The following TLX2 variants were observed in gnomAD, a reference collection of about 807,000 sequenced individuals.
TLX2 encodes the protein T cell leukemia homeobox 2, also known as T-cell leukemia homeobox protein 2.
Under a neutral mutation model 21.7 loss-of-function variants are expected in TLX2, and 15 were observed. That is an observed-to-expected ratio of 0.69 (90% CI 0.46 to 1.07). The LOEUF is 1.07. TLX2 is among the 50% of genes least tolerant of loss of function. TLX2 has a pLI of 0.00. For synonymous variants in TLX2, 213 were observed against 193.1 expected, an observed-to-expected ratio of 1.10 and a Z score of -0.85; for missense variants, 384 against 409.1, an observed-to-expected ratio of 0.94 and a Z score of 0.53.
At position 74,516,372 on chromosome 2, in the gene TLX2, A is replaced by G. The variant is rs1674886867; in HGVS notation, c.*183A>G. ...CGTTGCGCAGATGCACGGCCAGCTC[A>G]GAGGCGGCCTTTCCCGCCATTTTTC... On this transcript the variant is annotated 3_prime_UTR_variant, in exon 3 of 3. Coordinates refer to ENST00000233638, the MANE Select transcript of TLX2 (RefSeq NM_016170.5). The G allele has an allele frequency of 6.7e-7, 1 of 1,484,850 alleles. No individual in the cohort carries two copies. Among genetic ancestry groups the G allele is most frequent in the Non-Finnish European group, 8.9e-7 (1 of 1,123,404 alleles). The allele number at this position is 1,484,850 out of a possible 1,614,324, so 92.0% of individuals were successfully genotyped here.
In TLX2 at chr2:74,515,292, C is replaced by T; in HGVS notation, c.400+86C>T. On this transcript the variant is annotated intron_variant, in intron 1 of 2. Transcript: ENST00000233638. This position sits in a 1 kb window ranked among gnomAD's most constrained non-coding sequence, Gnocchi z 6.6. The stretch of plus-strand genomic sequence containing the variant: ...AGCTTTCTGCTCCAACTCAAGGACC[C>T]CTTTCACACCTCCCACTAGATCCTC... The T allele has an allele frequency of 6.5e-7, 1 of 1,531,968 alleles. No homozygotes were observed. Among genetic ancestry groups the T allele is most frequent in the Non-Finnish European group, 8.7e-7 (1 of 1,145,168 alleles). 94.9% of individuals were successfully genotyped at this position (1,531,968 alleles called of 1,614,324 possible).
At position 74,515,055 on chromosome 2, in the gene TLX2, C is replaced by A. The variant is rs115897631; in HGVS notation, c.249C>A (p.Val83=). Reference sequence around the variant, plus strand: ...TGGGCCCAGGCGGCGTGATCCGCGTCCCTGCGCACCGCCCGCTGCCTGTGC... The same window carrying A: ...TGGGCCCAGGCGGCGTGATCCGCGTACCTGCGCACCGCCCGCTGCCTGTGC... ...SGVGPGGVIR[V]PAHRPLPVPP... Residue 83 remains valine, a synonymous_variant, in exon 1 of 3, where the codon GTC becomes GTA. Coordinates refer to ENST00000233638, the MANE Select transcript of TLX2 (RefSeq NM_016170.5). The surrounding 1 kb of genome is among the most constrained non-coding windows in gnomAD (Gnocchi z 6.6). 14 of 1,520,716 alleles carry A rather than the reference C, an allele frequency of 9.2e-6. No individual in the cohort carries two copies. In the East Asian group the frequency reaches 3.7e-4, roughly 40 times the overall value. 94.2% of individuals were successfully genotyped at this position (1,520,716 alleles called of 1,614,324 possible).
rs1165833694 is a variant in TLX2, at chr2:74,516,559, C to T, written c.*370C>T. ...CGGCGGGTGGTCGGGAGCTGGGGCT[C>T]TGAGGGGCTCTAGCGGCGTTGCGCG... On this transcript the variant is annotated 3_prime_UTR_variant, in exon 3 of 3. Transcript: ENST00000233638. 19 of 1,170,748 alleles carry T rather than the reference C, an allele frequency of 1.6e-5. No homozygotes were observed. The highest frequency in any genetic ancestry group is 1.9e-5 in the Non-Finnish European group (18 of 935,144). 72.5% of individuals were successfully genotyped at this position (1,170,748 alleles called of 1,614,324 possible). A position where few individuals can be genotyped will look rare whatever the true frequency, so the allele number is the denominator to read the frequency against.
Position 74,514,488 on chromosome 2 carries a change from C to T in TLX2, c.-319C>T, listed in dbSNP as rs752172448. The T allele has an allele frequency of 1.1e-4, 144 of 1,274,834 alleles. No homozygotes were observed. Among genetic ancestry groups the T allele is most frequent in the Non-Finnish European group, 1.4e-4 (139 of 1,003,858 alleles). The allele number at this position is 1,274,834 out of a possible 1,614,324, so 79.0% of individuals were successfully genotyped here. On this transcript the variant is annotated 5_prime_UTR_variant, in exon 1 of 3. Coordinates refer to ENST00000233638, the MANE Select transcript of TLX2 (RefSeq NM_016170.5). The surrounding 1 kb of genome is among the most constrained non-coding windows in gnomAD (Gnocchi z 5.0). ...GCCGGAGCTGGCCAACCCTCTCCAC[C>T]CGGGACTTGGGCAGCGGCGCCGGCA...
In TLX2 at chr2:74,515,763, G is replaced by T; in HGVS notation, c.531G>T (p.Leu177=). ...SQVLELERRF[L]RQKYLASAER... Reference sequence around the variant, plus strand: ...TGCTGGAGTTGGAGCGGCGCTTCCTGCGCCAGAAGTACCTGGCCTCTGCGG... The same window carrying T: ...TGCTGGAGTTGGAGCGGCGCTTCCTTCGCCAGAAGTACCTGGCCTCTGCGG... The change falls in exon 2 of 3, where the codon CTG becomes CTT. Residue 177 remains leucine (L), a synonymous_variant. Coordinates refer to ENST00000233638, the MANE Select transcript of TLX2 (RefSeq NM_016170.5). This position sits in a 1 kb window ranked among gnomAD's most constrained non-coding sequence, Gnocchi z 6.6. 6.2e-7 allele frequency: 1 copy of T among 1,613,398 alleles called. No individual in the cohort carries two copies. Among genetic ancestry groups the T allele is most frequent in the Non-Finnish European group, 8.5e-7 (1 of 1,179,948 alleles).
In TLX2 at chr2:74,516,117, G is replaced by T; in HGVS notation, c.783G>T (p.Ala261=). Residue 261 remains alanine (A), a synonymous_variant, in exon 3 of 3, where the codon GCG becomes GCT. Transcript: ENST00000233638. The stretch of plus-strand genomic sequence containing the variant: ...GCCTGCACAACTCGTCGCTCTTCGC[G>T]CTGCAGAACCTGCAGCCCTGGGCCG... ...PLCLHNSSLF[A]LQNLQPWAED... is the part of the protein sequence containing the mutation. 6.2e-7 allele frequency: 1 copy of T among 1,610,118 alleles called. No individual in the cohort carries two copies.
Position 74,514,713 on chromosome 2 carries a change from A to T in TLX2, c.-94A>T. On this transcript the variant is annotated 5_prime_UTR_variant, in exon 1 of 3. Transcript: ENST00000233638. The surrounding 1 kb of genome is among the most constrained non-coding windows in gnomAD (Gnocchi z 5.0). Reference sequence around the variant, plus strand: ...GCCAGCCCCGCGGGCCCCTGAGGCCACTCTCCGGAGCGCGCCGCCGCTGGG... The same window carrying T: ...GCCAGCCCCGCGGGCCCCTGAGGCCTCTCTCCGGAGCGCGCCGCCGCTGGG... 1 of 1,571,500 alleles carries T rather than the reference A, an allele frequency of 6.4e-7. No individual in the cohort carries two copies. Among genetic ancestry groups the T allele is most frequent in the Non-Finnish European group, 8.6e-7 (1 of 1,159,852 alleles).
Position 74,515,930 on chromosome 2 carries a change from G to C in TLX2, c.639-43G>C. On this transcript the variant is annotated intron_variant, in intron 2 of 2. Transcript: ENST00000233638. This position sits in a 1 kb window ranked among gnomAD's most constrained non-coding sequence, Gnocchi z 6.6. ...TCCCGAGCAGGGCCTGGTGAGAAGCGACGCGGCGGGCGCCCCGCTGACCCC... is the reference window on the plus strand; with the variant it reads ...TCCCGAGCAGGGCCTGGTGAGAAGCCACGCGGCGGGCGCCCCGCTGACCCC... 1 of 1,506,264 alleles carries C rather than the reference G, an allele frequency of 6.6e-7. No homozygotes were observed. Among genetic ancestry groups the C allele is most frequent in the Non-Finnish European group, 8.8e-7 (1 of 1,134,770 alleles). The allele number at this position is 1,506,264 out of a possible 1,614,324, so 93.3% of individuals were successfully genotyped here. A position where few individuals can be genotyped will look rare whatever the true frequency, so the allele number is the denominator to read the frequency against.
In TLX2 at chr2:74,516,105, G is replaced by A. The variant is rs1351378039; in HGVS notation, c.771G>A (p.Ser257=). ...LPPDPLCLHN[S]SLFALQNLQP... is the part of the protein sequence containing the mutation. ...CGGACCCTCTCTGCCTGCACAACTC[G>A]TCGCTCTTCGCGCTGCAGAACCTGC... Residue 257 remains serine (S), a synonymous_variant, in exon 3 of 3, where the codon TCG becomes TCA. Coordinates refer to ENST00000233638, the MANE Select transcript of TLX2 (RefSeq NM_016170.5). The A allele has an allele frequency of 1.2e-6, 2 of 1,609,566 alleles. No individual in the cohort carries two copies. The highest frequency in any genetic ancestry group is 1.7e-5 in the Admixed American group (1 of 59,890).
At position 74,515,217 on chromosome 2, in the gene TLX2, C is replaced by G. The variant is rs1481771750; in HGVS notation, c.400+11C>G. ...AGGACCGGCTCACGGGTGAGGTTGT[C>G]TGACCCCTCCAGCGTCACGCCCGAC... On this transcript the variant is annotated intron_variant, in intron 1 of 2. Coordinates refer to ENST00000233638, the MANE Select transcript of TLX2 (RefSeq NM_016170.5). This position sits in a 1 kb window ranked among gnomAD's most constrained non-coding sequence, Gnocchi z 6.6. The G allele has an allele frequency of 6.5e-6, 10 of 1,538,824 alleles. No individual in the cohort carries two copies. Among genetic ancestry groups the G allele is most frequent in the Non-Finnish European group, 8.7e-6 (10 of 1,147,654 alleles).
chr2:74,514,964 G>A lies in TLX2; in HGVS notation c.158G>A (p.Gly53Glu). ...GGGGAGAATGGGGCGTTCTCGGGTG[G>A]ATACCACGGAGCCTCGGGCTACGGT... is the stretch of plus-strand genomic sequence containing the variant. Reference protein sequence around the residue: ...GHGENGAFSGGYHGASGYGPA... With the variant: ...GHGENGAFSGEYHGASGYGPA... Residue 53 changes from glycine to glutamate, a missense_variant, in exon 1 of 3, where the codon GGA becomes GAA. By Grantham distance (98) the Gly-to-Glu change is moderately conservative. Coordinates refer to ENST00000233638, the MANE Select transcript of TLX2 (RefSeq NM_016170.5). The surrounding 1 kb of genome is among the most constrained non-coding windows in gnomAD (Gnocchi z 5.0). 1.9e-6 allele frequency: 3 copies of A among 1,579,646 alleles called. No homozygotes were observed. The highest frequency in any genetic ancestry group is 1.7e-6 in the Non-Finnish European group (2 of 1,164,342).
chr2:74,515,021 G>C lies in TLX2; in HGVS notation c.215G>C (p.Ser72Thr), dbSNP rs1674847050. 6.5e-7 allele frequency: 1 copy of C among 1,528,402 alleles called. No individual in the cohort carries two copies. 94.7% of individuals were successfully genotyped at this position (1,528,402 alleles called of 1,614,324 possible). Residue 72 changes from serine (S) to threonine (T), a missense_variant, in exon 1 of 3, where the codon AGC becomes ACC. Ser to Thr is a moderately conservative substitution (Grantham distance 58). Coordinates refer to ENST00000233638, the MANE Select transcript of TLX2 (RefSeq NM_016170.5). The surrounding 1 kb of genome is among the most constrained non-coding windows in gnomAD (Gnocchi z 6.6). ...GGCTCACTTGCCCCGCTGCCCGGCA[G>C]CTCCGGAGTGGGCCCAGGCGGCGTG... is the stretch of plus-strand genomic sequence containing the variant. ...PAGSLAPLPG[S>T]SGVGPGGVIR...
chr2:74,515,492 G>T lies in TLX2; in HGVS notation c.401-141G>T, dbSNP rs561701688. On this transcript the variant is annotated intron_variant, in intron 1 of 2. Coordinates refer to ENST00000233638, the MANE Select transcript of TLX2 (RefSeq NM_016170.5). This position sits in a 1 kb window ranked among gnomAD's most constrained non-coding sequence, Gnocchi z 6.6. Reference sequence around the variant, plus strand: ...GCATCCCAGGGGAAGGGCCTTTCTTGGCTATAGGGCTCGGCTGATGCTTAG... The same window carrying T: ...GCATCCCAGGGGAAGGGCCTTTCTTTGCTATAGGGCTCGGCTGATGCTTAG... 5.1e-4 allele frequency: 536 copies of T among 1,043,016 alleles called. 3 individuals carry two copies. Among genetic ancestry groups the T allele is most frequent in the Middle Eastern group, 1.6e-3 (5 of 3,094 alleles). The allele number at this position is 1,043,016 out of a possible 1,614,324, so 64.6% of individuals were successfully genotyped here. A position where few individuals can be genotyped will look rare whatever the true frequency, so the allele number is the denominator to read the frequency against.
In TLX2 at chr2:74,514,725, G is replaced by C. The variant is rs1401777338; in HGVS notation, c.-82G>C. 1.9e-6 allele frequency: 3 copies of C among 1,585,088 alleles called. No homozygotes were observed. In the East Asian group the frequency reaches 7.0e-5, roughly 37 times the overall value. On this transcript the variant is annotated 5_prime_UTR_variant, in exon 1 of 3. Transcript: ENST00000233638. This position sits in a 1 kb window ranked among gnomAD's most constrained non-coding sequence, Gnocchi z 5.0. ...GGCCCCTGAGGCCACTCTCCGGAGC[G>C]CGCCGCCGCTGGGCTTCTGGCGCTG... is the stretch of plus-strand genomic sequence containing the variant.
In TLX2 at chr2:74,515,826, C is replaced by T. The variant is rs1234178953; in HGVS notation, c.594C>T (p.Asp198=). 6.2e-7 allele frequency: 1 copy of T among 1,612,476 alleles called. No homozygotes were observed. The highest frequency in any genetic ancestry group is 2.2e-5 in the East Asian group (1 of 44,846). The stretch of plus-strand genomic sequence containing the variant: ...TGGCCAAGGCCTTGCGCATGACCGA[C>T]GCACAGGTCAAAACGTGGTTCCAGA... The part of the protein sequence containing the change: ...AALAKALRMT[D]AQVKTWFQNR... The change falls in exon 2 of 3, where the codon GAC becomes GAT. Residue 198 remains aspartate, a synonymous_variant. Coordinates refer to ENST00000233638, the MANE Select transcript of TLX2 (RefSeq NM_016170.5). This position sits in a 1 kb window ranked among gnomAD's most constrained non-coding sequence, Gnocchi z 6.6.
In TLX2 at chr2:74,514,628, C is replaced by T; in HGVS notation, c.-179C>T. The T allele has an allele frequency of 4.2e-6, 6 of 1,423,664 alleles. No homozygotes were observed. In the South Asian group the frequency reaches 6.1e-5, roughly 14 times the overall value. The allele number at this position is 1,423,664 out of a possible 1,614,324, so 88.2% of individuals were successfully genotyped here. On this transcript the variant is annotated 5_prime_UTR_variant, in exon 1 of 3. Coordinates refer to ENST00000233638, the MANE Select transcript of TLX2 (RefSeq NM_016170.5). The surrounding 1 kb of genome is among the most constrained non-coding windows in gnomAD (Gnocchi z 5.0). ...GACGCCCGGCAGCGGCTGGCACGGG[C>T]GCGGCTGCTCCGGGTGCACAGGGAT...
rs1449571455 is a variant in TLX2 at position 74,515,297 on chromosome 2, C to T, written c.400+91C>T. On this transcript the variant is annotated intron_variant, in intron 1 of 2. Transcript: ENST00000233638. The surrounding 1 kb of genome is among the most constrained non-coding windows in gnomAD (Gnocchi z 6.6). Reference sequence around the variant, plus strand: ...TCTGCTCCAACTCAAGGACCCCTTTCACACCTCCCACTAGATCCTCCCAGG... The same window carrying T: ...TCTGCTCCAACTCAAGGACCCCTTTTACACCTCCCACTAGATCCTCCCAGG... The T allele has an allele frequency of 6.5e-7, 1 of 1,530,738 alleles. No individual in the cohort carries two copies. Among genetic ancestry groups the T allele is most frequent in the Non-Finnish European group, 8.7e-7 (1 of 1,144,328 alleles). The allele number at this position is 1,530,738 out of a possible 1,614,324, so 94.8% of individuals were successfully genotyped here. A position where few individuals can be genotyped will look rare whatever the true frequency, so the allele number is the denominator to read the frequency against.
Position 74,515,768 on chromosome 2 carries a change from A to AG in TLX2, c.537dup (p.Lys180GlufsTer187), listed in dbSNP as rs1252220665. The AG allele has an allele frequency of 6.2e-7, 1 of 1,613,334 alleles. No individual in the cohort carries two copies. The highest frequency in any genetic ancestry group is 1.7e-5 in the Admixed American group (1 of 60,006). On this transcript the variant is annotated frameshift_variant, in exon 2 of 3. Transcript: ENST00000233638. LOFTEE classifies it high-confidence loss of function. This position sits in a 1 kb window ranked among gnomAD's most constrained non-coding sequence, Gnocchi z 6.6. ...GAGTTGGAGCGGCGCTTCCTGCGCC[A>AG]GAAGTACCTGGCCTCTGCGGAGAGG...
chr2:74,515,455 G>T lies in TLX2; in HGVS notation c.401-178G>T, dbSNP rs1037469849. Among the ~76,000 whole-genome samples the T allele has an allele frequency of 6.6e-6, 1 of 152,162 alleles. No individual in the cohort carries two copies. Among genetic ancestry groups the T allele is most frequent in the African/African-American group, 2.4e-5 (1 of 41,432 alleles). On this transcript the variant is annotated intron_variant, in intron 1 of 2. Transcript: ENST00000233638. The surrounding 1 kb of genome is among the most constrained non-coding windows in gnomAD (Gnocchi z 6.6). ...GGGAGGGGAGGGTGAAGTTACAGGG[G>T]ACGTCTCCCTCGCATCCCAGGGGAA...
Sources: gnomAD v4.1 joint callset for allele counts (sites outside exome capture counted in the v4.1 genomes callset) on GRCh38, gnomAD v4.1.1 for gene constraint, Gnocchi (gnomAD v3.1) non-coding constraint, MANE v1.5 for transcripts, NCBI Gene and HGNC (gene_info 2026-07-23, HGNC 2026-07-21) for gene names.